Variants in MGMT observed in about 807,000 individuals in gnomAD.
MGMT encodes the protein methylated-DNA--protein-cysteine methyltransferase.
In MGMT, 14 loss-of-function variants were observed where a neutral mutation model predicts 15.9. The observed-to-expected ratio is 0.88, with a 90% CI of 0.58 to 1.37. The LOEUF is 1.37. Among genes scored for constraint, MGMT ranks in the 40% most tolerant of loss-of-function variants. The pLI is 0.00. For synonymous variants in MGMT, 130 were observed against 118.2 expected (o/e 1.10, Z -0.65); for missense variants, 282 against 268.1 (o/e 1.05, Z -0.36).
intron 2 of MGMT, among the ~76,000 whole-genome samples, chr10:129,647,041 G>C (rs567639617): frequency 6.6e-6 from 1 of 152,032 alleles, no homozygotes; most frequent in African/African-American, 2.4e-5. Context: ...GCTCAGTCCA[G>C]GTGTGTGTCA....
intron 2 of MGMT, among the ~76,000 whole-genome samples, chr10:129,640,198 A>G (rs576343002): frequency 6.6e-6 from 1 of 151,828 alleles, no homozygotes; most frequent in African/African-American, 2.4e-5. Flanking sequence ...CCCGGGTTCA[A>G]GTGATTCTTC....
chr10:129,757,479 A>T (rs914992094), intron 3 of MGMT, among the ~76,000 whole-genome samples: 1 of 152,192 alleles, frequency 6.6e-6, no homozygotes, highest in African/African-American at 2.4e-5. Context: ...CACAGAAAAC[A>T]AAACCACCAA....
At chr10:129,737,059 G>A (rs1287442877) in intron 3 of MGMT, among the ~76,000 whole-genome samples, 1 of 151,928 alleles carries the variant, frequency 6.6e-6, no homozygotes, top group Non-Finnish European at 1.5e-5. Context: ...TTCTCGAGGA[G>A]TATCTTTGTG....
intron 3 of MGMT, among the ~76,000 whole-genome samples, chr10:129,718,244 T>C (rs1848322579): frequency 1.3e-5 from 2 of 152,246 alleles, no homozygotes; most frequent in Non-Finnish European, 2.9e-5. Context: ...CAGGGAGCTT[T>C]AGGCTTCGAC....
intron 3 of MGMT, among the ~76,000 whole-genome samples, chr10:129,737,615 A>T (rs577583807): frequency 0.011 from 1,713 of 152,194 alleles, 26 homozygotes; most frequent in African/African-American, 0.037. Flanking sequence ...GTTCCTTTGG[A>T]GGAGGAGAGG....
At chr10:129,682,998 G>A (rs982708693) in intron 2 of MGMT, among the ~76,000 whole-genome samples, 3 of 152,286 alleles carry the variant, frequency 2.0e-5, no homozygotes, top group East Asian at 1.9e-4. Flanking sequence ...ATAGGCGCAC[G>A]CCACCATGTC....
intron 1 of MGMT, among the ~76,000 whole-genome samples, chr10:129,501,794 CTG>C (rs1845577118): frequency 6.6e-6 from 1 of 152,236 alleles, no homozygotes; most frequent in African/African-American, 2.4e-5. Context: ...GCATTCGTGT[CTG>C]TGGTAGACCA....
chr10:129,766,165 G>T (rs1006524570), intron 4 of MGMT, among the ~76,000 whole-genome samples: 24 of 152,206 alleles, frequency 1.6e-4, no homozygotes, highest in African/African-American at 5.3e-4. Flanking sequence ...CCTGAGGCAG[G>T]GGTTGGCCAA....
intron 2 of MGMT, among the ~76,000 whole-genome samples, chr10:129,629,391 A>G (rs1847186140): frequency 6.6e-6 from 1 of 152,222 alleles, no homozygotes; most frequent in Non-Finnish European, 1.5e-5. Context: ...GTATGAGTGT[A>G]TCATAGAATA....
intron 3 of MGMT, among the ~76,000 whole-genome samples, chr10:129,745,080 G>A (rs923675205): frequency 2.6e-5 from 4 of 152,284 alleles, no homozygotes; most frequent in African/African-American, 9.6e-5. Flanking sequence ...GGCAGGTGGT[G>A]GGGCCTCGTA....
intron 2 of MGMT, among the ~76,000 whole-genome samples, chr10:129,560,645 T>G (rs1846265895): frequency 6.6e-6 from 1 of 152,246 alleles, no homozygotes; most frequent in Non-Finnish European, 1.5e-5. Context: ...ATTATCTGAG[T>G]ATTTATGTGC....
At chr10:129,636,007 C>T (rs1447603994) in intron 2 of MGMT, among the ~76,000 whole-genome samples, 1 of 152,182 alleles carries the variant, frequency 6.6e-6, no homozygotes, top group Non-Finnish European at 1.5e-5. Flanking sequence ...AATATGCATG[C>T]TCTTGGCCAA....
intron 2 of MGMT, among the ~76,000 whole-genome samples, chr10:129,636,368 A>C (rs1847265122): frequency 6.6e-6 from 1 of 152,342 alleles, no homozygotes; most frequent in African/African-American, 2.4e-5. Flanking sequence ...CACTCAATAA[A>C]TGTTGGCTCT....
At chr10:129,741,943 TC>T (rs1848638272) in intron 3 of MGMT, among the ~76,000 whole-genome samples, 1 of 152,196 alleles carries the variant, frequency 6.6e-6, no homozygotes, top group African/African-American at 2.4e-5. Context: ...AGCCTAGTGC[TC>T]CTTTCTAAAT....
chr10:129,511,782 G>A (rs940211947), intron 1 of MGMT, among the ~76,000 whole-genome samples: 1 of 152,180 alleles, frequency 6.6e-6, no homozygotes, highest in Admixed American at 6.5e-5. Context: ...ATCTGTGCAG[G>A]CCTAGAGCCC....
At chr10:129,487,996 C>CACACAA (rs754923805) in intron 1 of MGMT, among the ~76,000 whole-genome samples, 1 of 114,702 alleles carries the variant, frequency 8.7e-6, no homozygotes, top group African/African-American at 3.5e-5. Context: ...CACACACACA[C>CACACAA]ATAGGTATAC....
intron 3 of MGMT, among the ~76,000 whole-genome samples, chr10:129,718,431 G>C (rs1344553022): frequency 6.6e-6 from 1 of 151,742 alleles, no homozygotes; most frequent in Non-Finnish European, 1.5e-5. Flanking sequence ...CCCCACCCTG[G>C]GCAAGTGAGG....
At position 129,591,650 on chromosome 10, in the gene MGMT, G is replaced by T. The variant is rs142240302; in HGVS notation, c.125+55273G>T. On this transcript the variant is annotated intron_variant, in intron 2 of 4. Transcript: ENST00000651593. ...TGTTTTATTTAAGAATGTCCTTGTT[G>T]GCCGGACGCGGTGGCTCACGCCTGT... Among the ~76,000 whole-genome samples, 131 of 152,332 alleles carry T rather than the reference G, an allele frequency of 8.6e-4. No individual in the cohort carries two copies. The Middle Eastern group carries it at 0.017, about 20-fold the overall frequency.
intron 2 of MGMT, among the ~76,000 whole-genome samples, chr10:129,672,609 C>T (rs1203890442): frequency 6.6e-6 from 1 of 152,142 alleles, no homozygotes; most frequent in Admixed American, 6.5e-5. Context: ...TGCTACTGTG[C>T]CTAATTTGGT....
Sources: allele counts gnomAD v4.1 joint callset (sites outside exome capture counted in the v4.1 genomes callset), GRCh38; gene constraint gnomAD v4.1.1; transcripts MANE v1.5; gene names NCBI Gene and HGNC (gene_info 2026-07-23, HGNC 2026-07-21).